ADGRB3: variants seen among roughly 807,000 people sequenced by gnomAD.
The protein encoded by ADGRB3 is brain-specific angiogenesis inhibitor 3.
In ADGRB3, 37 loss-of-function variants were observed where a neutral mutation model predicts 193.4. The ratio of observed to expected loss-of-function variants is 0.19; its 90% CI spans 0.15 to 0.25. ADGRB3 has a LOEUF of 0.25. ADGRB3 is among the 10% of genes least tolerant of loss of function. The probability of loss-of-function intolerance (pLI) is 1.00; values close to 1 mark genes in which losing one functional copy is unlikely to be tolerated. For missense variants in ADGRB3, 1,637 were observed against 1,852.9 expected (o/e 0.88, Z 2.14); for synonymous variants, 690 against 644.2 (o/e 1.07, Z -1.08).
At chr6:68,956,854 TG>T (rs1768090906) in intron 8 of ADGRB3, 45 bp downstream of exon 8, 9 of 1,515,298 alleles carry the variant, frequency 5.9e-6, no homozygotes, top group Middle Eastern at 1.8e-4. Context: ...TTTCATAACG[TG>T]AAAAAAAAAA....
chr6:68,884,638 G>A (rs1486015348), intron 3 of ADGRB3, among the ~76,000 whole-genome samples: 1 of 152,148 alleles, frequency 6.6e-6, no homozygotes, highest in African/African-American at 2.4e-5. Flanking sequence ...TGAGGTCAGA[G>A]TAGGGGCTTT....
At chr6:69,073,431 T>C (rs1357744716) in intron 16 of ADGRB3, among the ~76,000 whole-genome samples, 1 of 151,938 alleles carries the variant, frequency 6.6e-6, no homozygotes, top group Non-Finnish European at 1.5e-5. Context: ...TCTTGTTACA[T>C]GGCCATGAGA....
intron 3 of ADGRB3, among the ~76,000 whole-genome samples, chr6:68,654,782 CAA>C (rs1768452929): frequency 6.6e-6 from 1 of 151,566 alleles, no homozygotes; most frequent in South Asian, 2.1e-4. Flanking sequence ...ATAGGAATAA[CAA>C]AGAATAAAAA....
At chr6:68,815,603 T>TTGTGTGTG (rs5877170) in intron 3 of ADGRB3, among the ~76,000 whole-genome samples, 104 of 137,278 alleles carry the variant, frequency 7.6e-4, no homozygotes, top group South Asian at 6.0e-3. Flanking sequence ...CCATCAAAAA[T>TTGTGTGTG]TGTGTGTGTG....
chr6:68,736,182 A>T (rs78557812), intron 3 of ADGRB3, among the ~76,000 whole-genome samples: 2 of 46,910 alleles, frequency 4.3e-5, no homozygotes, highest in African/African-American at 2.6e-4. Flanking sequence ...CTGGCTAATT[A>T]AAAAAAAAAA....
intron 24 of ADGRB3, among the ~76,000 whole-genome samples, chr6:69,338,414 A>C (rs915495180): frequency 1.3e-5 from 2 of 152,176 alleles, no homozygotes; most frequent in African/African-American, 4.8e-5. Context: ...TTGAGAAAAA[A>C]ATTACATCTT....
chr6:68,846,063 C>T (rs959395853), intron 3 of ADGRB3, among the ~76,000 whole-genome samples: 14 of 152,100 alleles, frequency 9.2e-5, no homozygotes, highest in South Asian at 4.1e-4. Flanking sequence ...AAGAACCTCT[C>T]GGAAGCTAGA....
chr6:69,372,420 A>T lies in ADGRB3; in HGVS notation c.4254A>T (p.Arg1418=). The T allele has an allele frequency of 7.3e-7, 1 of 1,376,276 alleles. No homozygotes were observed. Among genetic ancestry groups the T allele is most frequent in the Non-Finnish European group, 1.0e-6 (1 of 1,004,586 alleles). The allele number at this position is 1,376,276 out of a possible 1,614,324, so 85.3% of individuals were successfully genotyped here. A position where few individuals can be genotyped will look rare whatever the true frequency, so the allele number is the denominator to read the frequency against. The change falls in exon 30 of 32, where the codon CGA becomes CGT. Residue 1418 remains arginine (R), a synonymous_variant. Coordinates refer to ENST00000370598, the MANE Select transcript of ADGRB3 (RefSeq NM_001704.3). ...SMSSLERRKS[R]YSDLDFEKVM... ...ATATCTTACAGAGAAGAAAATCACG[A>T]TATTCAGACCTTGACTTTGAGGTAA...
At position 68,831,303 on chromosome 6, in the gene ADGRB3, TAA is replaced by T. The variant is rs60991980; in HGVS notation, c.758-99235_758-99234del. Among the ~76,000 whole-genome samples, 532 of 123,718 alleles carry T rather than the reference TAA, an allele frequency of 4.3e-3. 3 individuals carry two copies. The highest frequency in any genetic ancestry group is 0.013 in the Middle Eastern group (3 of 230). The allele number at this position is 123,718 out of a possible 152,430, so 81.2% of individuals were successfully genotyped here. On this transcript the variant is annotated intron_variant, in intron 3 of 31. Transcript: ENST00000370598. The stretch of plus-strand genomic sequence containing the variant: ...TGGTGAATGCAAAGGTGGAGAAGAT[TAA>T]AAAAAAAAAAAAAAAAAAAAGCTGA...
chr6:69,140,291 A>G (rs1774292988), intron 17 of ADGRB3, among the ~76,000 whole-genome samples: 1 of 152,240 alleles, frequency 6.6e-6, no homozygotes, highest in Non-Finnish European at 1.5e-5. Flanking sequence ...AGCACAGGAA[A>G]GAACAAACAA....
At chr6:68,696,503 G>A (rs1765160753) in intron 3 of ADGRB3, among the ~76,000 whole-genome samples, 1 of 151,504 alleles carries the variant, frequency 6.6e-6, no homozygotes. Flanking sequence ...ATTAACGAAA[G>A]TTTTTGGATA....
At chr6:69,064,342 TTAAC>T (rs1771837141) in intron 16 of ADGRB3, among the ~76,000 whole-genome samples, 1 of 152,042 alleles carries the variant, frequency 6.6e-6, no homozygotes, top group African/African-American at 2.4e-5. Context: ...TCTAAATAGT[TTAAC>T]TATTTAAACT....
chr6:69,168,938 TTTTTA>T (rs1488684561), intron 17 of ADGRB3, among the ~76,000 whole-genome samples: 2 of 152,096 alleles, frequency 1.3e-5, no homozygotes, highest in Non-Finnish European at 2.9e-5. Flanking sequence ...TCTCAACTTA[TTTTTA>T]TTTTTTTATT....
chr6:69,211,261 C>T (rs1359542593), intron 17 of ADGRB3, among the ~76,000 whole-genome samples: 2 of 152,126 alleles, frequency 1.3e-5, no homozygotes, highest in East Asian at 3.9e-4. Context: ...CTGGGTCAGT[C>T]ATCTTGGGGC....
intron 8 of ADGRB3, among the ~76,000 whole-genome samples, chr6:68,957,123 T>C (rs1768097851): frequency 6.6e-6 from 1 of 152,250 alleles, no homozygotes; most frequent in Non-Finnish European, 1.5e-5. Context: ...TTTTAAGTTC[T>C]GTTGCTAATT....
At chr6:69,265,671 C>A (rs1005541679) in intron 20 of ADGRB3, among the ~76,000 whole-genome samples, 3 of 151,990 alleles carry the variant, frequency 2.0e-5, no homozygotes, top group African/African-American at 7.2e-5. Flanking sequence ...ATTGTAATAT[C>A]TTAAAGTCCT....
chr6:68,677,855 C>T (rs1769137079), intron 3 of ADGRB3, among the ~76,000 whole-genome samples: 1 of 151,952 alleles, frequency 6.6e-6, no homozygotes, highest in Admixed American at 6.6e-5. Context: ...GATCTACCGG[C>T]AAAAGTGAGG....
At chr6:69,168,628 T>A (rs1775190883) in intron 17 of ADGRB3, among the ~76,000 whole-genome samples, 2 of 152,136 alleles carry the variant, frequency 1.3e-5, no homozygotes, top group South Asian at 4.1e-4. Context: ...TTATAGTGGG[T>A]ATGAGCCATA....
intron 3 of ADGRB3, among the ~76,000 whole-genome samples, chr6:68,840,525 T>C (rs1384032304): frequency 6.6e-6 from 1 of 151,538 alleles, no homozygotes; most frequent in Non-Finnish European, 1.5e-5. Context: ...ACCTCTCAAG[T>C]AGCTCGGACA....
Sources: allele counts gnomAD v4.1 joint callset (sites outside exome capture counted in the v4.1 genomes callset), GRCh38; gene constraint gnomAD v4.1.1; transcripts MANE v1.5; gene names NCBI Gene and HGNC (gene_info 2026-07-23, HGNC 2026-07-21).